ELOVL5: variants seen among roughly 807,000 people sequenced by gnomAD.
ELOVL5 encodes the protein very long chain fatty acid elongase 5.
In ELOVL5, 8 loss-of-function variants were observed where a neutral mutation model predicts 38.6. That is an observed-to-expected ratio of 0.21 (90% CI 0.12 to 0.37). The LOEUF (loss-of-function observed/expected upper bound fraction) is 0.37. Ranked by LOEUF, ELOVL5 falls within the 10% of genes least tolerant of loss-of-function variation. The pLI is 1.00. For synonymous variants in ELOVL5, 127 were observed against 133.7 expected, an observed-to-expected ratio of 0.95 and a Z score of 0.34; for missense variants, 280 against 367.8, an observed-to-expected ratio of 0.76 and a Z score of 1.95.
At chr6:53,326,192 C>G (rs776806983) in intron 1 of ELOVL5, among the ~76,000 whole-genome samples, 2 of 152,168 alleles carry the variant, frequency 1.3e-5, no homozygotes, top group Non-Finnish European at 2.9e-5. Flanking sequence ...TAAATATCCA[C>G]CTCTTCCTAG....
At chr6:53,285,463 T>C (rs1311836015) in intron 3 of ELOVL5, among the ~76,000 whole-genome samples, 1 of 152,164 alleles carries the variant, frequency 6.6e-6, no homozygotes, top group Non-Finnish European at 1.5e-5. Context: ...GTCATCTCCA[T>C]AACACAAAAG....
At chr6:53,348,230 C>T (rs1458176972) in intron 1 of ELOVL5, among the ~76,000 whole-genome samples, 1 of 152,196 alleles carries the variant, frequency 6.6e-6, no homozygotes, top group Non-Finnish European at 1.5e-5. Flanking sequence ...CTCCGAGGGG[C>T]GGACGGAAGG....
chr6:53,322,027 A>G (rs1011013867), intron 1 of ELOVL5, among the ~76,000 whole-genome samples: 5 of 152,240 alleles, frequency 3.3e-5, no homozygotes, highest in Non-Finnish European at 7.3e-5. Flanking sequence ...AAGTCTAGTT[A>G]CCAATTTTTA....
intron 1 of ELOVL5, among the ~76,000 whole-genome samples, chr6:53,297,917 CCTT>C (rs1767078799): frequency 6.6e-6 from 1 of 152,114 alleles, no homozygotes; most frequent in African/African-American, 2.4e-5. Context: ...ATAGGTTTAG[CCTT>C]ATGTTTCGTA....
chr6:53,342,704 C>A (rs1224360087), intron 1 of ELOVL5, among the ~76,000 whole-genome samples: 1 of 152,172 alleles, frequency 6.6e-6, no homozygotes, highest in Non-Finnish European at 1.5e-5. Flanking sequence ...CACTAAAAAT[C>A]TTAAAATAAA....
intron 1 of ELOVL5, among the ~76,000 whole-genome samples, chr6:53,316,196 AC>A (rs1390021556): frequency 6.6e-6 from 1 of 152,238 alleles, no homozygotes. Flanking sequence ...TGTCACAGGC[AC>A]TGGAGACACA....
In ELOVL5 at chr6:53,344,852, C is replaced by G. The variant is rs142136840; in HGVS notation, c.-9+3965G>C. 1.1e-3 allele frequency among the ~76,000 whole-genome samples: 162 copies of G among 152,318 alleles called. 1 individual carries two copies. In the Middle Eastern group the frequency reaches 0.014, roughly 13 times the overall value. ...TCTCCAAACTCCCTCTTGCCTAGAA[C>G]GCATGTCCTCCTATTCCTGCCTATC... On this transcript the variant is annotated intron_variant, in intron 1 of 7. Transcript: ENST00000304434.
intron 1 of ELOVL5, among the ~76,000 whole-genome samples, chr6:53,316,135 A>G (rs1463400773): frequency 6.6e-6 from 1 of 152,214 alleles, no homozygotes; most frequent in Admixed American, 6.5e-5. Context: ...CGTGGCAGCT[A>G]TTTTTATCAT....
intron 2 of ELOVL5, among the ~76,000 whole-genome samples, chr6:53,292,785 C>T (rs545564009): frequency 4.2e-4 from 64 of 152,112 alleles, no homozygotes; most frequent in East Asian, 2.1e-3. Flanking sequence ...AGTGAGACTC[C>T]GTCTCAAAAA....
At chr6:53,300,972 T>C (rs961758978) in intron 1 of ELOVL5, among the ~76,000 whole-genome samples, 1 of 152,058 alleles carries the variant, frequency 6.6e-6, no homozygotes, top group African/African-American at 2.4e-5. Context: ...ACATGAACAG[T>C]ACAAAGGTCT....
intron 3 of ELOVL5, among the ~76,000 whole-genome samples, chr6:53,283,493 A>G (rs946073473): frequency 6.6e-6 from 1 of 152,242 alleles, no homozygotes; most frequent in Non-Finnish European, 1.5e-5. Flanking sequence ...AAAAGGCAAC[A>G]CAGCAAATGG....
At chr6:53,316,373 C>G (rs1018675766) in intron 1 of ELOVL5, among the ~76,000 whole-genome samples, 1 of 152,092 alleles carries the variant, frequency 6.6e-6, no homozygotes, top group Non-Finnish European at 1.5e-5. Context: ...GCAGTCAATT[C>G]TGTATGGGGA....
chr6:53,341,741 C>T (rs1469024599), intron 1 of ELOVL5, among the ~76,000 whole-genome samples: 1 of 152,240 alleles, frequency 6.6e-6, no homozygotes, highest in Non-Finnish European at 1.5e-5. Flanking sequence ...AGTCTACTAA[C>T]TCTTCCAATC....
At position 53,304,817 on chromosome 6, in the gene ELOVL5, T is replaced by C. The variant is rs1019604394; in HGVS notation, c.-8-9110A>G. Among the ~76,000 whole-genome samples, 3 of 144,200 alleles carry C rather than the reference T, an allele frequency of 2.1e-5. 1 individual carries two copies. Among genetic ancestry groups the C allele is most frequent in the East Asian group, 2.0e-4 (1 of 4,922 alleles). The allele number at this position is 144,200 out of a possible 152,430, so 94.6% of individuals were successfully genotyped here. On this transcript the variant is annotated intron_variant, in intron 1 of 7. Coordinates refer to ENST00000304434, the MANE Select transcript of ELOVL5 (RefSeq NM_021814.5). ...ACAGAACAAAATGAAAAATCTCCCA[T>C]GTCTACTTCTTTCTACACAGCACAG...
intron 1 of ELOVL5, chr6:53,337,031 T>G (rs1424857143): frequency 6.6e-6 from 1 of 152,228 alleles, no homozygotes; most frequent in African/African-American, 2.4e-5. Context: ...CAAGGTCTGG[T>G]GAGGGTGTCT....
At chr6:53,319,735 T>C (rs917010218) in intron 1 of ELOVL5, among the ~76,000 whole-genome samples, 1 of 152,246 alleles carries the variant, frequency 6.6e-6, no homozygotes, top group Non-Finnish European at 1.5e-5. Flanking sequence ...TCTCATTTAG[T>C]TCACTGCACT....
At chr6:53,282,979 A>G (rs1344254275) in intron 3 of ELOVL5, among the ~76,000 whole-genome samples, 1 of 152,230 alleles carries the variant, frequency 6.6e-6, no homozygotes, top group Non-Finnish European at 1.5e-5. Flanking sequence ...ACAGCCCACA[A>G]TTACAGAGGT....
intron 1 of ELOVL5, among the ~76,000 whole-genome samples, chr6:53,304,423 AACAC>A (rs1430837092): frequency 2.1e-5 from 3 of 143,964 alleles, no homozygotes; most frequent in Non-Finnish European, 4.4e-5. Flanking sequence ...TACACACACA[AACAC>A]ACACACCTCT....
At chr6:53,332,839 T>C (rs971168696) in intron 1 of ELOVL5, among the ~76,000 whole-genome samples, 1 of 152,168 alleles carries the variant, frequency 6.6e-6, no homozygotes, top group Non-Finnish European at 1.5e-5. Context: ...TCAAAAACTT[T>C]ACAAAAACAC....
Sources: gnomAD v4.1 joint callset for allele counts (sites outside exome capture counted in the v4.1 genomes callset) on GRCh38, gnomAD v4.1.1 for gene constraint, MANE v1.5 for transcripts, NCBI Gene and HGNC (gene_info 2026-07-23, HGNC 2026-07-21) for gene names.